Variants in COX11 observed in about 807,000 individuals in gnomAD.
COX11 encodes cytochrome c oxidase assembly protein COX11, mitochondrial.
Under a neutral mutation model 29.4 loss-of-function variants are expected in COX11, and 18 were observed. That is an observed-to-expected ratio of 0.61 (90% confidence interval 0.42 to 0.91). The LOEUF is 0.91. Ranked by LOEUF, COX11 falls within the 40% of genes least tolerant of loss-of-function variation. The pLI, the probability that COX11 is intolerant of heterozygous loss-of-function variation, is 0.00. For missense variants in COX11, 312 were observed against 346.0 expected (o/e 0.90, Z 0.78); for synonymous variants, 131 against 124.0 (o/e 1.06, Z -0.38).
Position 54,968,333 on chromosome 17 carries a change from C to G in COX11, c.314G>C (p.Gly105Ala). The change falls in exon 1 of 4, where the codon GGC becomes GCC. Residue 105 changes from glycine (G) to alanine (A), a missense_variant. Transcript: ENST00000299335. ...GGCAGCGTAGGACGCCCCCAGCATG[C>G]CCACGGCGACAGCGGCCACGTAAGT... ...TLTYVAAVAV[G>A]MLGASYAAVP... 6.2e-7 allele frequency: 1 copy of G among 1,612,936 alleles called. No individual in the cohort carries two copies. Among genetic ancestry groups the G allele is most frequent in the Non-Finnish European group, 8.5e-7 (1 of 1,179,936 alleles).
chr17:54,953,307 G>T (rs34632315), exon 1 of COX11: 44,760 of 152,248 alleles, frequency 0.29, 6,918 homozygotes, highest in African/African-American at 0.35. Context: ...AGTTGGAGGC[G>T]GCAGTGCGCC....
rs2077155448 is a variant in COX11, at chr17:54,962,925, A to G, written c.649-10T>C. 6.3e-7 allele frequency: 1 copy of G among 1,599,916 alleles called. No homozygotes were observed. The highest frequency in any genetic ancestry group is 8.5e-7 in the Non-Finnish European group (1 of 1,172,206). ...CTTCAAAACAGAAGCACTGGAAATT[A>G]TAGAAAGATTTTAATAACATTTCTA... is the stretch of plus-strand genomic sequence containing the variant. On this transcript the variant is annotated splice_polypyrimidine_tract_variant and intron_variant, in intron 3 of 3. Coordinates refer to ENST00000299335, the MANE Select transcript of COX11 (RefSeq NM_004375.5).
chr17:54,964,932 TGTA>T (rs899559723), intron 1 of COX11, 80 bp from the exon 2 acceptor site: 2 of 1,404,972 alleles, frequency 1.4e-6, no homozygotes, highest in African/African-American at 1.4e-5. Context: ...TTAAAAACAA[TGTA>T]GTATTTATAA....
chr17:54,953,389 G>C (rs1194094021), exon 1 of COX11: 1 of 152,264 alleles, frequency 6.6e-6, no homozygotes, highest in East Asian at 1.9e-4. Flanking sequence ...AAATCCAACT[G>C]GTTGCCCCCC....
In COX11 at chr17:54,966,274, CAAAA is replaced by C. The variant is rs1299446188; in HGVS notation, c.367-1426_367-1423del. ...AGTTCAATGCCTAAAGTAAAATAGA[CAAAA>C]AGACTAGAAAACAGCACTAAAAAGA... is the stretch of plus-strand genomic sequence containing the variant. On this transcript the variant is annotated intron_variant, in intron 1 of 3. Coordinates refer to ENST00000299335, the MANE Select transcript of COX11 (RefSeq NM_004375.5). Among the ~76,000 whole-genome samples the C allele has an allele frequency of 9.9e-5, 15 of 152,226 alleles. No individual in the cohort carries two copies. The South Asian group carries it at 1.7e-3, about 17-fold the overall frequency.
Position 54,968,431 on chromosome 17 carries a change from C to T in COX11, c.216G>A (p.Arg72=), listed in dbSNP as rs377682376. Residue 72 remains arginine (R), a synonymous_variant, in exon 1 of 4, where the codon CGG becomes CGA. Coordinates refer to ENST00000299335, the MANE Select transcript of COX11 (RefSeq NM_004375.5). ...RARHPALQPP[R]RPKSSNPFTR... ...TGAAAGGGTTCGAGCTCTTAGGCCG[C>T]CGCGGCGGCTGCAATGCTGGATGCC... 1.3e-4 allele frequency: 209 copies of T among 1,613,400 alleles called. No individual in the cohort carries two copies. The highest frequency in any genetic ancestry group is 2.5e-4 in the Admixed American group (15 of 60,012).
chr17:54,964,600 A>C, intron 2 of COX11, 97 bp downstream of exon 2: 1 of 1,124,532 alleles, frequency 8.9e-7, no homozygotes, highest in African/African-American at 1.6e-5. Flanking sequence ...TTTTATTAGA[A>C]TCATAGTGTT....
chr17:54,956,396 C>T (rs2049504071), downstream of COX11, among the ~76,000 whole-genome samples: 1 of 152,052 alleles, frequency 6.6e-6, no homozygotes, highest in Admixed American at 6.6e-5. Flanking sequence ...CTTCTGCCTC[C>T]CAGGCTCAGG....
chr17:54,968,252 G>A (rs771316086), intron 1 of COX11, 29 bp downstream of exon 1: 2 of 1,596,416 alleles, frequency 1.3e-6, no homozygotes, highest in Non-Finnish European at 1.7e-6. Context: ...TCGCGTCTGC[G>A]CCACCCTGCG....
chr17:54,968,614 G>T lies in COX11; in HGVS notation c.33C>A (p.Cys11Ter). 1 of 1,612,866 alleles carries T rather than the reference G, an allele frequency of 6.2e-7. No individual in the cohort carries two copies. Among genetic ancestry groups the T allele is most frequent in the Admixed American group, 1.7e-5 (1 of 60,020 alleles). Reference sequence around the variant, plus strand: ...TCCAGCGCCAGCCACAGAAAGGAACGCACCTCCATCCAGGACGCCAGAGCC... The same window carrying T: ...TCCAGCGCCAGCCACAGAAAGGAACTCACCTCCATCCAGGACGCCAGAGCC... MGGLWRPGWR[C>*]VPFCGWRWIH... The change falls in exon 1 of 4, where the codon TGC becomes TGA. Residue 11 changes from cysteine (C) to a stop codon, truncating the protein, a stop_gained. Transcript: ENST00000299335. LOFTEE classifies it high-confidence loss of function.
downstream of COX11, chr17:54,957,035 G>A (rs912248533): frequency 2.6e-5 from 4 of 152,240 alleles, no homozygotes; most frequent in South Asian, 2.1e-4. Flanking sequence ...GGTCTGTCAT[G>A]AACTGGTTTA....
At chr17:54,957,347 T>C (rs961314194), downstream of COX11, 1 of 152,182 alleles carries the variant, frequency 6.6e-6, no homozygotes, top group African/African-American at 2.4e-5. Flanking sequence ...CCTGATAGAG[T>C]AGATATATCA....
downstream of COX11, chr17:54,958,038 AGTT>A: frequency 6.6e-6 from 1 of 152,224 alleles, no homozygotes; most frequent in East Asian, 1.9e-4. Context: ...TGCAATTCTT[AGTT>A]AAGTGAAAAG....
chr17:54,968,687 A>C (rs757731364), upstream of COX11: 2 of 1,581,016 alleles, frequency 1.3e-6, no homozygotes, highest in Non-Finnish European at 8.6e-7. Flanking sequence ...CAGGGACGAG[A>C]GGTCAAATCT....
chr17:54,953,223 C>A (rs7207696), exon 1 of COX11: 7,154 of 152,114 alleles, frequency 0.047, 260 homozygotes, highest in East Asian at 0.19. Context: ...CACAAACAAA[C>A]AAAAAAATCA....
exon 1 of COX11, chr17:54,952,033 C>T (rs2049260499): frequency 6.6e-6 from 1 of 152,176 alleles, no homozygotes; most frequent in South Asian, 2.1e-4. Flanking sequence ...GAGTGAAAAT[C>T]TCTAGGCACT....
downstream of COX11, among the ~76,000 whole-genome samples, chr17:54,956,550 C>G (rs1181445724): frequency 6.6e-6 from 1 of 152,176 alleles, no homozygotes; most frequent in Non-Finnish European, 1.5e-5. Flanking sequence ...TCAAGTTCAT[C>G]TACCCACCTC....
At position 54,961,439 on chromosome 17, in the gene COX11, C is replaced by T. The variant is rs571193433; in HGVS notation, c.*1294G>A. ...ACAACAGCGTGAGATTTCAACAGAA[C>T]TTGTTTGGAACAAATACTCACTTAA... On this transcript the variant is annotated 3_prime_UTR_variant, in exon 4 of 4. Coordinates refer to ENST00000299335, the MANE Select transcript of COX11 (RefSeq NM_004375.5). 15 of 1,503,390 alleles carry T rather than the reference C, an allele frequency of 1.0e-5. No homozygotes were observed. The South Asian group carries it at 1.8e-4, about 18-fold the overall frequency. The allele number at this position is 1,503,390 out of a possible 1,614,324, so 93.1% of individuals were successfully genotyped here. A position where few individuals can be genotyped will look rare whatever the true frequency, so the allele number is the denominator to read the frequency against.
At chr17:54,968,708 G>A (rs1018668035), upstream of COX11, 11 of 1,536,288 alleles carry the variant, frequency 7.2e-6, no homozygotes, top group Non-Finnish European at 8.7e-6. Context: ...CGCGAGGCGT[G>A]CTCCGTCTCG....
Sources: allele counts gnomAD v4.1 joint callset (sites outside exome capture counted in the v4.1 genomes callset), GRCh38; gene constraint gnomAD v4.1.1; transcripts MANE v1.5; gene names NCBI Gene and HGNC (gene_info 2026-07-23, HGNC 2026-07-21).